The following GPR19 variants were observed in gnomAD, a reference collection of about 807,000 sequenced individuals.
The protein encoded by GPR19 is G protein-coupled receptor 19.
In GPR19, 14 loss-of-function variants were observed where a neutral mutation model predicts 28.5. The ratio of observed to expected loss-of-function variants is 0.49; its 90% CI spans 0.32 to 0.77. The LOEUF is 0.77. Ranked by LOEUF, GPR19 falls within the 30% of genes least tolerant of loss-of-function variation. The probability of loss-of-function intolerance (pLI) is 0.03; values close to 1 mark genes in which losing one functional copy is unlikely to be tolerated. For missense variants in GPR19, 409 were observed against 504.1 expected (o/e 0.81, Z 1.81); for synonymous variants, 173 against 184.1 (o/e 0.94, Z 0.49).
At chr12:12,696,844 A>G (rs564304494), upstream of GPR19, among the ~76,000 whole-genome samples, 1 of 152,234 alleles carries the variant, frequency 6.6e-6, no homozygotes, top group Non-Finnish European at 1.5e-5. Flanking sequence ...GGACAGTTTA[A>G]GTGTCAACTT....
At chr12:12,691,909 T>C (rs1266148054) in intron 2 of GPR19, among the ~76,000 whole-genome samples, 1 of 152,232 alleles carries the variant, frequency 6.6e-6, no homozygotes, top group East Asian at 1.9e-4. Flanking sequence ...TAAGAGATGT[T>C]AATAACTAAA....
the GPR19 span, chr12:12,717,002 C>A: frequency 0.43 from 427,675 of 996,668 alleles, 93,107 homozygotes; most frequent in Non-Finnish European, 0.44. Context: ...GCTTCCCGGG[C>A]GAGGAGCGGG....
Position 12,661,504 on chromosome 12 carries a change from G to A in GPR19, c.945C>T (p.Ile315=). ...YKKSSLVFTA[I]TWISFSSSAS... The stretch of plus-strand genomic sequence containing the variant: ...CTGAAGAACTAAAGGATATCCATGT[G>A]ATAGCTGTGAAAACAAGGGAACTTT... The change falls in exon 4 of 4, where the codon ATC becomes ATT. Residue 315 remains isoleucine (I), a synonymous_variant. Transcript: ENST00000651487. The surrounding 1 kb of genome is among the most constrained non-coding windows in gnomAD (Gnocchi z 4.2). The A allele has an allele frequency of 6.2e-7, 1 of 1,613,262 alleles. No individual in the cohort carries two copies.
chr12:12,700,563 T>C (rs368089739), upstream of GPR19, among the ~76,000 whole-genome samples: 10 of 152,178 alleles, frequency 6.6e-5, no homozygotes, highest in African/African-American at 1.9e-4. Flanking sequence ...GTGGGAAATA[T>C]AGGGTTAGAA....
At chr12:12,664,130 G>A (rs943151083) in intron 3 of GPR19, among the ~76,000 whole-genome samples, 8 of 152,036 alleles carry the variant, frequency 5.3e-5, no homozygotes, top group African/African-American at 1.9e-4. Flanking sequence ...GTTGGGACTA[G>A]AGGCGCGTGC....
At chr12:12,694,234 T>TGTCGCCCAGGCTGGAGTGCA (rs1429063802) in intron 2 of GPR19, among the ~76,000 whole-genome samples, 19 of 125,500 alleles carry the variant, frequency 1.5e-4, no homozygotes, top group African/African-American at 5.3e-4. Context: ...AGTCTCGCTC[T>TGTCGCCCAGGCTGGAGTGCA]GTCGCCCAGG....
intron 2 of GPR19, among the ~76,000 whole-genome samples, chr12:12,689,585 A>C (rs896536905): frequency 1.3e-5 from 2 of 149,444 alleles, no homozygotes; most frequent in Non-Finnish European, 3.0e-5. Flanking sequence ...AGGATTAGAC[A>C]CTTTTTTTTT....
intron 3 of GPR19, among the ~76,000 whole-genome samples, chr12:12,677,081 G>A (rs1945942753): frequency 1.3e-5 from 2 of 152,144 alleles, no homozygotes; most frequent in South Asian, 4.2e-4. Context: ...TATTTCTCAG[G>A]AGCATTCACC....
chr12:12,673,902 G>C (rs922240307), intron 3 of GPR19, among the ~76,000 whole-genome samples: 2 of 152,016 alleles, frequency 1.3e-5, no homozygotes, highest in Non-Finnish European at 2.9e-5. Context: ...TACAACTTTA[G>C]TTGCTGTGTA....
intron 2 of GPR19, among the ~76,000 whole-genome samples, chr12:12,693,943 C>T (rs1946221772): frequency 6.6e-6 from 1 of 152,058 alleles, no homozygotes; most frequent in African/African-American, 2.4e-5. Flanking sequence ...CCTCGTGATC[C>T]CCCCGCCTCC....
At chr12:12,680,482 TCATGATGGTAACTG>T (rs1488750546) in intron 3 of GPR19, among the ~76,000 whole-genome samples, 1 of 152,194 alleles carries the variant, frequency 6.6e-6, no homozygotes, top group Non-Finnish European at 1.5e-5. Flanking sequence ...GGAAACATAT[TCATGATGGTAACTG>T]CCCTTTTGCC....
At chr12:12,695,608 C>T (rs1374627538) in intron 1 of GPR19, 97 bp from the exon 2 acceptor site, 1 of 152,256 alleles carries the variant, frequency 6.6e-6, no homozygotes, top group African/African-American at 2.4e-5. Context: ...AATTCCACCT[C>T]GGCCTGTGTT....
chr12:12,716,607 T>G, the GPR19 span: 5 of 159,788 alleles, frequency 3.1e-5, no homozygotes, highest in East Asian at 1.2e-3. Flanking sequence ...GAGACTAGAG[T>G]TTTTTGTTTT....
chr12:12,671,773 C>A lies in GPR19; in HGVS notation c.-22-9303G>T, dbSNP rs1592256881. 1.3e-5 allele frequency among the ~76,000 whole-genome samples: 2 copies of A among 152,242 alleles called. 1 individual carries two copies. The highest frequency in any genetic ancestry group is 4.1e-4 in the South Asian group (2 of 4,830). Reference sequence around the variant, plus strand: ...TCTTTCTTTACCCTTCACATGAATTCAAAAAATCAACCTCTCTCACAATTA... The same window carrying A: ...TCTTTCTTTACCCTTCACATGAATTAAAAAAATCAACCTCTCTCACAATTA... On this transcript the variant is annotated intron_variant, in intron 3 of 3. Transcript: ENST00000651487.
In GPR19 at chr12:12,672,655, G is replaced by A. The variant is rs1218413309; in HGVS notation, c.-22-10185C>T. ...CCAGTTATTTGGGAGGCTGAGGCAG[G>A]AGAATTGCTTGAACCCCGGAGGCGG... On this transcript the variant is annotated intron_variant, in intron 3 of 3. Transcript: ENST00000651487. Among the ~76,000 whole-genome samples the A allele has an allele frequency of 2.6e-5, 4 of 152,060 alleles. 1 individual carries two copies. Among genetic ancestry groups the A allele is most frequent in the Non-Finnish European group, 5.9e-5 (4 of 68,014 alleles).
At chr12:12,685,699 A>G (rs1299295114) in intron 2 of GPR19, among the ~76,000 whole-genome samples, 1 of 152,214 alleles carries the variant, frequency 6.6e-6, no homozygotes, top group Non-Finnish European at 1.5e-5. Flanking sequence ...TGGACACTGC[A>G]ATAGTTACTC....
At chr12:12,705,832 G>A in the GPR19 span, among the ~76,000 whole-genome samples, 1 of 152,148 alleles carries the variant, frequency 6.6e-6, no homozygotes, top group Non-Finnish European at 1.5e-5. Flanking sequence ...TTAGAAACAT[G>A]AGCCACCAAG....
intron 2 of GPR19, chr12:12,688,897 G>C (rs1400521828): frequency 6.6e-6 from 1 of 152,182 alleles, no homozygotes; most frequent in East Asian, 1.9e-4. Flanking sequence ...TGTTCCCCAG[G>C]GATCAGGCAG....
chr12:12,681,211 C>T (rs1234535855), intron 3 of GPR19, among the ~76,000 whole-genome samples: 1 of 152,198 alleles, frequency 6.6e-6, no homozygotes, highest in Non-Finnish European at 1.5e-5. Context: ...CTCTCCTCTC[C>T]CCTCCCTACA....
Sources: allele counts gnomAD v4.1 joint callset (sites outside exome capture counted in the v4.1 genomes callset), GRCh38; gene constraint gnomAD v4.1.1; non-coding constraint Gnocchi (gnomAD v3.1); transcripts MANE v1.5; gene names NCBI Gene and HGNC (gene_info 2026-07-23, HGNC 2026-07-21).